Variants in ZFPM1 observed in about 807,000 individuals in gnomAD.
The protein encoded by ZFPM1 is zinc finger protein ZFPM1.
Under a neutral mutation model 46.3 loss-of-function variants are expected in ZFPM1, and 28 were observed. That is an observed-to-expected ratio of 0.60 (90% CI 0.45 to 0.83). ZFPM1 has a LOEUF of 0.83. Among genes scored for constraint, ZFPM1 ranks in the 40% least tolerant of loss-of-function variants. ZFPM1 has a pLI of 0.00. For synonymous variants in ZFPM1, 957 were observed against 675.9 expected, an observed-to-expected ratio of 1.42 and a Z score of -6.45; for missense variants, 1,878 against 1,432.4, an observed-to-expected ratio of 1.31 and a Z score of -5.02.
rs1261291471 is a variant in ZFPM1 at position 88,469,051 on chromosome 16, G to A, written c.40+15373G>A. Reference sequence around the variant, plus strand: ...ACCAGGACCCAGGAGTTCCCGAGAGGAGTGCAGCCAGCAGCCACTCCCAGA... The same window carrying A: ...ACCAGGACCCAGGAGTTCCCGAGAGAAGTGCAGCCAGCAGCCACTCCCAGA... On this transcript the variant is annotated intron_variant, in intron 1 of 9. Transcript: ENST00000319555. The surrounding 1 kb of genome is among the most constrained non-coding windows in gnomAD (Gnocchi z 4.3). 1 of 154,226 alleles carries A rather than the reference G, an allele frequency of 6.5e-6. No homozygotes were observed. The highest frequency in any genetic ancestry group is 2.4e-5 in the African/African-American group (1 of 41,518). The allele number at this position is 154,226 out of a possible 1,614,324, so 9.6% of individuals were successfully genotyped here.
At chr16:88,518,502 G>A (rs902797616) in intron 4 of ZFPM1, among the ~76,000 whole-genome samples, 1 of 151,906 alleles carries the variant, frequency 6.6e-6, no homozygotes, top group African/African-American at 2.4e-5. Context: ...TGTGTAGGTA[G>A]ATGGATTGAC....
At chr16:88,455,030 T>G (rs1204928130) in intron 1 of ZFPM1, among the ~76,000 whole-genome samples, 2 of 152,194 alleles carry the variant, frequency 1.3e-5, no homozygotes, top group Non-Finnish European at 2.9e-5. Flanking sequence ...TCGCCTTCTA[T>G]CGTGTCAACT....
chr16:88,534,112 C>A lies in ZFPM1; in HGVS notation c.2154C>A (p.Ala718=), dbSNP rs769572951. 1.8e-6 allele frequency: 2 copies of A among 1,137,362 alleles called. No homozygotes were observed. The highest frequency in any genetic ancestry group is 2.2e-6 in the Non-Finnish European group (2 of 904,376). The allele number at this position is 1,137,362 out of a possible 1,614,324, so 70.5% of individuals were successfully genotyped here. The change falls in exon 10 of 10, where the codon GCC becomes GCA. Residue 718 remains alanine, a synonymous_variant. Coordinates refer to ENST00000319555, the MANE Select transcript of ZFPM1 (RefSeq NM_153813.3). ...ACGACCCGCCGCCGCGCCGACCGGCCGCGCCCCCGGGACCCCCTGGGCCGG... is the reference window on the plus strand; with the variant it reads ...ACGACCCGCCGCCGCGCCGACCGGCAGCGCCCCCGGGACCCCCTGGGCCGG... The part of the protein sequence containing the change: ...SRHDPPPRRP[A]APPGPPGPAA...
chr16:88,473,684 G>C (rs1453067039), intron 1 of ZFPM1, among the ~76,000 whole-genome samples: 1 of 152,140 alleles, frequency 6.6e-6, no homozygotes, highest in African/African-American at 2.4e-5. Context: ...ACCCATCTGG[G>C]GAGGGGGGTC....
chr16:88,506,288 TG>T (rs1370211633), intron 3 of ZFPM1, among the ~76,000 whole-genome samples: 10 of 28,902 alleles, frequency 3.5e-4, no homozygotes, highest in Admixed American at 9.9e-4. Context: ...AGGGCAGGGG[TG>T]GGGGGGCACC....
At position 88,533,257 on chromosome 16, in the gene ZFPM1, G is replaced by A. The variant is rs1226346862; in HGVS notation, c.1299G>A (p.Leu433=). ...TPSPGLDRKA[L]AEATNGEARA... ...CGCCAGGACTGGACAGAAAGGCCCT[G>A]GCCGAGGCCACCAACGGAGAGGCCA... Residue 433 remains leucine (L), a synonymous_variant, in exon 10 of 10, where the codon CTG becomes CTA. Coordinates refer to ENST00000319555, the MANE Select transcript of ZFPM1 (RefSeq NM_153813.3). The A allele has an allele frequency of 3.2e-6, 5 of 1,551,070 alleles. 1 individual carries two copies. Among genetic ancestry groups the A allele is most frequent in the South Asian group, 2.4e-5 (2 of 85,086 alleles).
intron 1 of ZFPM1, among the ~76,000 whole-genome samples, chr16:88,472,259 G>A (rs1035405116): frequency 6.6e-6 from 1 of 152,174 alleles, no homozygotes; most frequent in Admixed American, 6.5e-5. Flanking sequence ...CCAGCTCTGC[G>A]CCTCGGTCCC....
chr16:88,508,914 G>A (rs1227879187), intron 3 of ZFPM1, among the ~76,000 whole-genome samples: 1 of 152,226 alleles, frequency 6.6e-6, no homozygotes, highest in Non-Finnish European at 1.5e-5. Flanking sequence ...TTGCCTGCGT[G>A]GGAACCAAGC....
intron 6 of ZFPM1, among the ~76,000 whole-genome samples, chr16:88,531,400 G>A (rs940806902): frequency 2.0e-5 from 3 of 152,150 alleles, no homozygotes; most frequent in Admixed American, 1.3e-4. Context: ...TGGTAAATTC[G>A]ACAAATCTGA....
At chr16:88,483,997 G>T (rs917105769) in intron 1 of ZFPM1, among the ~76,000 whole-genome samples, 1 of 152,208 alleles carries the variant, frequency 6.6e-6, no homozygotes, top group East Asian at 1.9e-4. Context: ...GGCGTTGGAC[G>T]CTGGCGGGTG....
At chr16:88,523,121 G>T (rs1912027986) in intron 4 of ZFPM1, among the ~76,000 whole-genome samples, 1 of 151,564 alleles carries the variant, frequency 6.6e-6, no homozygotes, top group Admixed American at 6.6e-5. Context: ...CAGGAGAATT[G>T]CTTGAACCCC....
At chr16:88,507,022 G>A (rs1051304520) in intron 3 of ZFPM1, among the ~76,000 whole-genome samples, 13 of 152,184 alleles carry the variant, frequency 8.5e-5, no homozygotes, top group Admixed American at 2.6e-4. Flanking sequence ...GCCTTTCCAG[G>A]TGGCCTTCTG....
chr16:88,510,139 G>C (rs1314169007), intron 3 of ZFPM1, among the ~76,000 whole-genome samples: 2 of 152,162 alleles, frequency 1.3e-5, no homozygotes, highest in Admixed American at 6.5e-5. Flanking sequence ...ACGAGCCCGA[G>C]GGAACGTCAT....
At chr16:88,485,820 C>A in intron 1 of ZFPM1, 119 bp from the exon 2 acceptor site, 2 of 863,280 alleles carry the variant, frequency 2.3e-6, no homozygotes, top group African/African-American at 1.7e-5. Flanking sequence ...ATGACCCTCA[C>A]CCCCACCCAT....
chr16:88,481,961 A>G lies in ZFPM1; in HGVS notation c.41-3978A>G, dbSNP rs373427063. ...AGGACGCGGGCAGGCTGCACGTTTC[A>G]TCTCCTGAAGTGGGAGCTGCTGTGG... On this transcript the variant is annotated intron_variant, in intron 1 of 9. Coordinates refer to ENST00000319555, the MANE Select transcript of ZFPM1 (RefSeq NM_153813.3). 2.2e-4 allele frequency among the ~76,000 whole-genome samples: 34 copies of G among 152,286 alleles called. No homozygotes were observed. The East Asian group carries it at 3.5e-3, about 16-fold the overall frequency.
rs184377096 is a variant in ZFPM1, at chr16:88,518,981, G to A, written c.402+4461G>A. Among the ~76,000 whole-genome samples, 335 of 150,458 alleles carry A rather than the reference G, an allele frequency of 2.2e-3. 4 individuals are homozygous for A. The highest frequency in any genetic ancestry group is 7.9e-3 in the African/African-American group (321 of 40,676). ...AAGTGGATGGATGGGAGGATAACCA[G>A]GTGGATGGATGGATAGACGTATGGG... On this transcript the variant is annotated intron_variant, in intron 4 of 9. Coordinates refer to ENST00000319555, the MANE Select transcript of ZFPM1 (RefSeq NM_153813.3).
intron 4 of ZFPM1, among the ~76,000 whole-genome samples, chr16:88,521,703 CCT>C (rs1456844787): frequency 1.4e-5 from 2 of 140,526 alleles, no homozygotes; most frequent in Non-Finnish European, 3.1e-5. Flanking sequence ...CATGCTGTTC[CCT>C]CTCCCCTGTG....
In ZFPM1 at chr16:88,519,270, G is replaced by GGGAT. The variant is rs758724772; in HGVS notation, c.402+4773_402+4776dup. On this transcript the variant is annotated intron_variant, in intron 4 of 9. Coordinates refer to ENST00000319555, the MANE Select transcript of ZFPM1 (RefSeq NM_153813.3). Reference sequence around the variant, plus strand: ...GTGGATGGATAGATGGATGAGTGGAGGGATGGATGGATGGATGGATGGATG... The same window carrying GGGAT: ...GTGGATGGATAGATGGATGAGTGGAGGGATGGATGGATGGATGGATGGATGGATG... 5.6e-3 allele frequency among the ~76,000 whole-genome samples: 724 copies of GGGAT among 129,942 alleles called. 4 individuals are homozygous for GGGAT. The highest frequency in any genetic ancestry group is 9.2e-3 in the Non-Finnish European group (556 of 60,320). The allele number at this position is 129,942 out of a possible 152,430, so 85.2% of individuals were successfully genotyped here. A position where few individuals can be genotyped will look rare whatever the true frequency, so the allele number is the denominator to read the frequency against.
intron 4 of ZFPM1, among the ~76,000 whole-genome samples, chr16:88,515,054 G>A (rs1218622273): frequency 6.6e-6 from 1 of 152,226 alleles, no homozygotes; most frequent in African/African-American, 2.4e-5. Context: ...ACAAAGGCCT[G>A]TGTCGTTTGT....
Sources: gnomAD v4.1 joint callset for allele counts (sites outside exome capture counted in the v4.1 genomes callset) on GRCh38, gnomAD v4.1.1 for gene constraint, Gnocchi (gnomAD v3.1) non-coding constraint, MANE v1.5 for transcripts, NCBI Gene and HGNC (gene_info 2026-07-23, HGNC 2026-07-21) for gene names.